SDK1: variants seen among roughly 807,000 people sequenced by gnomAD.
SDK1 encodes protein sidekick-1.
In SDK1, 157 loss-of-function variants were observed where a neutral mutation model predicts 245.5. The ratio of observed to expected loss-of-function variants is 0.64; its 90% CI spans 0.56 to 0.73. The LOEUF (loss-of-function observed/expected upper bound fraction) is 0.73, where lower values mean the gene tolerates loss of function less well. SDK1 is among the 30% of genes least tolerant of loss of function. SDK1 has a pLI of 0.00. For synonymous variants in SDK1, 1,647 were observed against 1,278.5 expected (o/e 1.29, Z -6.15); for missense variants, 3,583 against 3,002.3 (o/e 1.19, Z -4.52).
chr7:4,064,457 C>T (rs1192065515), intron 19 of SDK1, among the ~76,000 whole-genome samples: 2 of 152,128 alleles, frequency 1.3e-5, no homozygotes, highest in Non-Finnish European at 2.9e-5. Context: ...AACTCTAATA[C>T]ACTGTTGGTG....
intron 5 of SDK1, among the ~76,000 whole-genome samples, chr7:3,824,946 T>C (rs1020319472): frequency 6.6e-6 from 1 of 152,140 alleles, no homozygotes; most frequent in African/African-American, 2.4e-5. Flanking sequence ...GATATTCCTG[T>C]AGGGAAGGAG....
In SDK1 at chr7:4,205,815, G is replaced by C. The variant is rs1784183810; in HGVS notation, c.5099-64G>C. The C allele has an allele frequency of 2.3e-6, 3 of 1,320,910 alleles. No individual in the cohort carries two copies. In the South Asian group the frequency reaches 3.8e-5, roughly 17 times the overall value. 81.8% of individuals were successfully genotyped at this position (1,320,910 alleles called of 1,614,324 possible). On this transcript the variant is annotated intron_variant, in intron 35 of 44. Transcript: ENST00000404826. Reference sequence around the variant, plus strand: ...CATGCTCGAGCCCCATGGGCATGTGGGCGAGGGTCCGGGCCGGCTCTGAAT... The same window carrying C: ...CATGCTCGAGCCCCATGGGCATGTGCGCGAGGGTCCGGGCCGGCTCTGAAT...
intron 4 of SDK1, among the ~76,000 whole-genome samples, chr7:3,808,470 C>G (rs902809066): frequency 3.3e-5 from 5 of 152,242 alleles, no homozygotes; most frequent in African/African-American, 9.6e-5. Flanking sequence ...GATTTGCTTA[C>G]TGGCAACTTC....
chr7:3,366,326 G>C (rs1040470620), intron 1 of SDK1, among the ~76,000 whole-genome samples: 1 of 151,350 alleles, frequency 6.6e-6, no homozygotes, highest in African/African-American at 2.4e-5. Context: ...CAATGTAGTA[G>C]TCTATGGTCT....
At chr7:3,398,958 C>G (rs1025458282) in intron 1 of SDK1, among the ~76,000 whole-genome samples, 1 of 151,978 alleles carries the variant, frequency 6.6e-6, no homozygotes, top group South Asian at 2.1e-4. Context: ...TAAGAATTGT[C>G]CATGTTCAAG....
chr7:3,301,542 C>A lies in SDK1; in HGVS notation c.-45C>A. On this transcript the variant is annotated 5_prime_UTR_variant, in exon 1 of 45. Coordinates refer to ENST00000404826, the MANE Select transcript of SDK1 (RefSeq NM_152744.4). ...CTCGGAGCCGTCCCGCCTGTCCTGC[C>A]CGCCCGTCCGTCCGGCGCGGCGCTC... 1 of 722,492 alleles carries A rather than the reference C, an allele frequency of 1.4e-6. No individual in the cohort carries two copies. Among genetic ancestry groups the A allele is most frequent in the Non-Finnish European group, 1.7e-6 (1 of 593,602 alleles). The allele number at this position is 722,492 out of a possible 1,614,324, so 44.8% of individuals were successfully genotyped here.
intron 4 of SDK1, among the ~76,000 whole-genome samples, chr7:3,747,889 CTGGAGATATAGGA>C: frequency 6.6e-6 from 1 of 152,072 alleles, no homozygotes; most frequent in African/African-American, 2.4e-5. Flanking sequence ...AAAGGTAACT[CTGGAGATATAGGA>C]AGGGGTCACA....
chr7:3,990,495 G>A (rs1241092046), intron 14 of SDK1, among the ~76,000 whole-genome samples: 7 of 152,250 alleles, frequency 4.6e-5, no homozygotes, highest in Non-Finnish European at 1.0e-4. Flanking sequence ...GTACAGAAGA[G>A]TTTCCTGAGG....
chr7:3,816,775 A>T (rs2115054314), intron 4 of SDK1, among the ~76,000 whole-genome samples: 1 of 152,284 alleles, frequency 6.6e-6, no homozygotes, highest in Middle Eastern at 3.4e-3. Context: ...GAGGCATGAG[A>T]TCCAGATTAT....
chr7:3,839,209 C>T (rs968751205), intron 5 of SDK1, among the ~76,000 whole-genome samples: 1 of 152,154 alleles, frequency 6.6e-6, no homozygotes, highest in Non-Finnish European at 1.5e-5. Flanking sequence ...GGCATTCCTC[C>T]CAGCAAACCC....
intron 5 of SDK1, among the ~76,000 whole-genome samples, chr7:3,889,120 A>C (rs908929542): frequency 3.3e-5 from 5 of 152,214 alleles, no homozygotes; most frequent in Non-Finnish European, 7.3e-5. Flanking sequence ...TAGCACTCTT[A>C]AGGCTGATAA....
chr7:3,812,057 T>G (rs1355618048), intron 4 of SDK1, among the ~76,000 whole-genome samples: 1 of 152,222 alleles, frequency 6.6e-6, no homozygotes, highest in Admixed American at 6.5e-5. Context: ...CCTTTGCAGC[T>G]CTTGCCAGTA....
intron 4 of SDK1, among the ~76,000 whole-genome samples, chr7:3,805,971 T>G (rs1247836367): frequency 6.6e-6 from 1 of 152,134 alleles, no homozygotes; most frequent in Non-Finnish European, 1.5e-5. Context: ...CGTGCTTCTC[T>G]CCTCAGTGTG....
intron 1 of SDK1, among the ~76,000 whole-genome samples, chr7:3,535,467 G>A (rs1583136261): frequency 1.3e-5 from 2 of 152,126 alleles, no homozygotes; most frequent in African/African-American, 2.4e-5. Flanking sequence ...GCAGTGTGGT[G>A]TATGGAAAGA....
chr7:3,724,622 A>G (rs1049259123), intron 4 of SDK1, among the ~76,000 whole-genome samples: 1 of 152,160 alleles, frequency 6.6e-6, no homozygotes, highest in Non-Finnish European at 1.5e-5. Context: ...ATGCAACAAA[A>G]GTGGTTTTTA....
At chr7:3,554,043 G>A (rs1051222348) in intron 1 of SDK1, among the ~76,000 whole-genome samples, 1 of 152,188 alleles carries the variant, frequency 6.6e-6, no homozygotes, top group African/African-American at 2.4e-5. Context: ...CCTAAACAGG[G>A]TGACTGCCTA....
At chr7:3,973,622 A>G (rs1782662757) in intron 12 of SDK1, among the ~76,000 whole-genome samples, 1 of 151,936 alleles carries the variant, frequency 6.6e-6, no homozygotes, top group African/African-American at 2.4e-5. Flanking sequence ...TTTTTTTTAA[A>G]CAGTCGTTGC....
intron 4 of SDK1, among the ~76,000 whole-genome samples, chr7:3,789,837 G>A (rs1032257247): frequency 6.6e-6 from 1 of 152,082 alleles, no homozygotes; most frequent in Non-Finnish European, 1.5e-5. Flanking sequence ...CAGCGGAACG[G>A]GGACTGTTGC....
At chr7:3,726,660 A>G (rs779936661) in intron 4 of SDK1, among the ~76,000 whole-genome samples, 27 of 152,216 alleles carry the variant, frequency 1.8e-4, no homozygotes, top group Non-Finnish European at 3.2e-4. Flanking sequence ...CAAAAACTTT[A>G]AAAGGTGGGT....
Sources: gnomAD v4.1 joint callset for allele counts (sites outside exome capture counted in the v4.1 genomes callset) on GRCh38, gnomAD v4.1.1 for gene constraint, MANE v1.5 for transcripts, NCBI Gene and HGNC (gene_info 2026-07-23, HGNC 2026-07-21) for gene names.